Variants in ZNF446 observed in about 807,000 individuals in gnomAD.
ZNF446 encodes zinc finger protein 446, also known as zinc finger protein with KRAB and SCAN domains 20.
ZNF446 carries 42 observed loss-of-function variants against 34.0 expected under a neutral mutation model. The observed-to-expected ratio is 1.23, with a 90% CI of 0.96 to 1.60. ZNF446 has a LOEUF of 1.60. ZNF446 is among the 40% of genes most tolerant of loss of function. The pLI is 0.00. For missense variants in ZNF446, 650 were observed against 600.2 expected (o/e 1.08, Z -0.87); for synonymous variants, 315 against 251.0 (o/e 1.25, Z -2.41).
intron 3 of ZNF446, 74 bp downstream of exon 3, chr19:58,477,900 C>G: frequency 7.0e-7 from 1 of 1,428,684 alleles, no homozygotes; most frequent in South Asian, 1.4e-5. Context: ...GGTGGGAGTC[C>G]CAGGAGAGGT....
chr19:58,480,807 T>C lies in ZNF446; in HGVS notation c.*81T>C. The C allele has an allele frequency of 2.0e-6, 3 of 1,498,766 alleles. No individual in the cohort carries two copies. Among genetic ancestry groups the C allele is most frequent in the South Asian group, 1.2e-5 (1 of 80,898 alleles). 92.8% of individuals were successfully genotyped at this position (1,498,766 alleles called of 1,614,324 possible). The stretch of plus-strand genomic sequence containing the variant: ...CCTCTGGGGCACCAGCAGAAGACTC[T>C]GGAGGCAGCAGGGGATGCCAGAGTG... On this transcript the variant is annotated 3_prime_UTR_variant, in exon 7 of 7. Transcript: ENST00000594369. This position sits in a 1 kb window ranked among gnomAD's most constrained non-coding sequence, Gnocchi z 7.2.
chr19:58,479,641 A>G lies in ZNF446; in HGVS notation c.628-2A>G, dbSNP rs754404700. 3 of 1,613,736 alleles carry G rather than the reference A, an allele frequency of 1.9e-6. No individual in the cohort carries two copies. On this transcript the variant is annotated splice_acceptor_variant, in intron 4 of 6. Coordinates refer to ENST00000594369, the MANE Select transcript of ZNF446 (RefSeq NM_017908.4). LOFTEE classifies it high-confidence loss of function. ...GCCTACAGTGATGGGCCACATCCGC[A>G]GGAGGAGTGGGGGCTGCTGGACCGG... is the stretch of plus-strand genomic sequence containing the variant.
downstream of ZNF446, chr19:58,483,520 A>C (rs1600015415): frequency 6.6e-6 from 1 of 152,072 alleles, no homozygotes; most frequent in Non-Finnish European, 1.5e-5. Context: ...AGCCAGGCAT[A>C]GTGGCGCATA....
At chr19:58,488,862 AAAC>A in the ZNF446 span, among the ~76,000 whole-genome samples, 4 of 147,406 alleles carry the variant, frequency 2.7e-5, no homozygotes, top group African/African-American at 1.1e-4. Context: ...AAAAAAAAAA[AAAC>A]AAAAAAATAC....
downstream of ZNF446, among the ~76,000 whole-genome samples, chr19:58,485,238 T>C (rs765550300): frequency 1.3e-5 from 2 of 151,244 alleles, no homozygotes; most frequent in South Asian, 2.1e-4. Context: ...CGGTGGCTCA[T>C]GTGTATAATC....
intron 4 of ZNF446, among the ~76,000 whole-genome samples, chr19:58,479,315 A>G (rs1445406650): frequency 6.6e-6 from 1 of 152,096 alleles, no homozygotes; most frequent in Non-Finnish European, 1.5e-5. Flanking sequence ...GCCCCAGATG[A>G]TGGGACTCAG....
chr19:58,477,987 G>A (rs2053104052), intron 3 of ZNF446, 100 bp from the exon 4 acceptor site: 1 of 1,351,156 alleles, frequency 7.4e-7, no homozygotes, highest in Non-Finnish European at 1.0e-6. Flanking sequence ...GGAGCCAAGG[G>A]CTGGCTACGT....
the ZNF446 span, among the ~76,000 whole-genome samples, chr19:58,487,332 C>A: frequency 6.6e-6 from 1 of 152,090 alleles, no homozygotes; most frequent in South Asian, 2.1e-4. Context: ...CACTGCAACC[C>A]GGAACTCCTA....
At chr19:58,486,418 G>GT in the ZNF446 span, among the ~76,000 whole-genome samples, 8 of 150,876 alleles carry the variant, frequency 5.3e-5, no homozygotes, top group East Asian at 2.0e-4. Flanking sequence ...TTGTTTGTTT[G>GT]TTTTTTGAGA....
rs776306791 is a variant in ZNF446, at chr19:58,477,425, G to A, written c.207G>A (p.Leu69=). Residue 69 remains leucine, a synonymous_variant, in exon 2 of 7, where the codon CTG becomes CTA. Transcript: ENST00000594369. ...CCAAGGAGCAGATGCTGGAGATGCT[G>A]GTGCTGGAGCAGTTCCTGGGCACAC... ...AHSKEQMLEM[L]VLEQFLGTLP... 4 of 1,613,542 alleles carry A rather than the reference G, an allele frequency of 2.5e-6. No homozygotes were observed. In the South Asian group the frequency reaches 3.3e-5, roughly 13 times the overall value.
chr19:58,488,863 A>T, the ZNF446 span, among the ~76,000 whole-genome samples: 5 of 147,426 alleles, frequency 3.4e-5, no homozygotes, highest in African/African-American at 8.0e-5. Context: ...AAAAAAAAAA[A>T]ACAAAAAAAT....
the ZNF446 span, among the ~76,000 whole-genome samples, chr19:58,488,234 C>T: frequency 7.0e-6 from 1 of 142,370 alleles, no homozygotes; most frequent in South Asian, 2.2e-4. Flanking sequence ...TTGCTCGTGG[C>T]CACACACCCT....
At position 58,478,106 on chromosome 19, in the gene ZNF446, T is replaced by G. The variant is rs780358614; in HGVS notation, c.552T>G (p.Leu184=). The change falls in exon 4 of 7, where the codon CTT becomes CTG. Residue 184 remains leucine (L), a synonymous_variant. Coordinates refer to ENST00000594369, the MANE Select transcript of ZNF446 (RefSeq NM_017908.4). ...TTTCAGCACCCTCCAGCCCTCCACT[T>G]GCAGCACAGTCCCCTGAGGGGAACC... ...GQEVAPSSPP[L]AAQSPEGNHG... 12 of 1,613,772 alleles carry G rather than the reference T, an allele frequency of 7.4e-6. No homozygotes were observed. The highest frequency in any genetic ancestry group is 9.3e-6 in the Non-Finnish European group (11 of 1,179,804).
intron 4 of ZNF446, among the ~76,000 whole-genome samples, chr19:58,478,670 C>CAA (rs1002764870): frequency 1.2e-4 from 15 of 120,604 alleles, no homozygotes; most frequent in Non-Finnish European, 2.1e-4. Context: ...GTGTCAAAAA[C>CAA]AAAAAAAAAA....
chr19:58,489,037 C>A, the ZNF446 span, among the ~76,000 whole-genome samples: 17 of 152,158 alleles, frequency 1.1e-4, no homozygotes, highest in African/African-American at 4.1e-4. Context: ...CTAGTTCATT[C>A]TTGGGCATAG....
downstream of ZNF446, chr19:58,483,683 G>GT (rs1479703233): frequency 1.3e-5 from 2 of 152,038 alleles, no homozygotes; most frequent in Non-Finnish European, 2.9e-5. Flanking sequence ...AGACGGAAGG[G>GT]TAGGTCAGAG....
At chr19:58,485,186 CTG>C (rs1386369971), downstream of ZNF446, among the ~76,000 whole-genome samples, 1 of 151,916 alleles carries the variant, frequency 6.6e-6, no homozygotes, top group Non-Finnish European at 1.5e-5. Flanking sequence ...AATAAAAACA[CTG>C]TTAAGTTATA....
the ZNF446 span, among the ~76,000 whole-genome samples, chr19:58,486,721 G>C: frequency 4.0e-5 from 6 of 150,042 alleles, no homozygotes; most frequent in East Asian, 1.2e-3. Flanking sequence ...TTTTTTTGGG[G>C]GGGGGCGGGG....
chr19:58,477,413 G>A lies in ZNF446; in HGVS notation c.195G>A (p.Met65Ile). The change falls in exon 2 of 7, where the codon ATG (methionine) becomes ATA (isoleucine). Residue 65 changes from methionine (M) to isoleucine (I), a missense_variant. Physicochemically the swap from Met to Ile is conservative, Grantham distance 10. Coordinates refer to ENST00000594369, the MANE Select transcript of ZNF446 (RefSeq NM_017908.4). ...CTGAGGCACACTCCAAGGAGCAGATGCTGGAGATGCTGGTGCTGGAGCAGT... is the reference window on the plus strand; with the variant it reads ...CTGAGGCACACTCCAAGGAGCAGATACTGGAGATGCTGGTGCTGGAGCAGT... Reference protein sequence around the residue: ...LQPEAHSKEQMLEMLVLEQFL... With the variant: ...LQPEAHSKEQILEMLVLEQFL... 1 of 1,613,462 alleles carries A rather than the reference G, an allele frequency of 6.2e-7. No individual in the cohort carries two copies. The highest frequency in any genetic ancestry group is 8.5e-7 in the Non-Finnish European group (1 of 1,180,024).
Sources: allele counts gnomAD v4.1 joint callset (sites outside exome capture counted in the v4.1 genomes callset), GRCh38; gene constraint gnomAD v4.1.1; non-coding constraint Gnocchi (gnomAD v3.1); transcripts MANE v1.5; gene names NCBI Gene and HGNC (gene_info 2026-07-23, HGNC 2026-07-21).